APEH: variants seen among roughly 807,000 people sequenced by gnomAD.
The protein encoded by APEH is acylaminoacyl-peptide hydrolase.
Under a neutral mutation model 102.7 loss-of-function variants are expected in APEH, and 75 were observed. That is an observed-to-expected ratio of 0.73 (90% CI 0.61 to 0.89). The LOEUF (loss-of-function observed/expected upper bound fraction) is 0.89, where lower values mean the gene tolerates loss of function less well. Among genes scored for constraint, APEH ranks in the 40% least tolerant of loss-of-function variants. The pLI, the probability that APEH is intolerant of heterozygous loss-of-function variation, is 0.00. For synonymous variants in APEH, 344 were observed against 362.7 expected, an observed-to-expected ratio of 0.95 and a Z score of 0.59; for missense variants, 863 against 941.2, an observed-to-expected ratio of 0.92 and a Z score of 1.09.
intron 1 of APEH, 37 bp downstream of exon 1, chr3:49,674,450 G>T: frequency 6.4e-7 from 1 of 1,571,694 alleles, no homozygotes; most frequent in South Asian, 1.1e-5. Context: ...GGTCCCTGCA[G>T]CCCGGGCCGG....
At chr3:49,677,050 A>C (rs770897022) in intron 10 of APEH, 26 bp downstream of exon 10, 1 of 1,613,456 alleles carries the variant, frequency 6.2e-7, no homozygotes, top group Non-Finnish European at 8.5e-7. Context: ...CAGGGATGGG[A>C]GGGTGGTCAG....
Position 49,679,046 on chromosome 3 carries a change from C to A in APEH, c.1158+97C>A. The A allele has an allele frequency of 1.0e-6, 1 of 980,586 alleles. No individual in the cohort carries two copies. The highest frequency in any genetic ancestry group is 1.5e-6 in the Non-Finnish European group (1 of 647,000). 60.7% of individuals were successfully genotyped at this position (980,586 alleles called of 1,614,324 possible). A position where few individuals can be genotyped will look rare whatever the true frequency, so the allele number is the denominator to read the frequency against. ...CATGCCCCTGGGTGGAATGCCCAGCCACAAAGTCTCATCAGCCCCTTAAAA... is the reference window on the plus strand; with the variant it reads ...CATGCCCCTGGGTGGAATGCCCAGCAACAAAGTCTCATCAGCCCCTTAAAA... On this transcript the variant is annotated intron_variant, in intron 12 of 21. Transcript: ENST00000296456. The surrounding 1 kb of genome is among the most constrained non-coding windows in gnomAD (Gnocchi z 4.3).
At position 49,683,858 on chromosome 3, in the gene APEH, T is replaced by TTG; in HGVS notation, c.*516_*517insTG. 1 of 986,940 alleles carries TTG rather than the reference T, an allele frequency of 1.0e-6. No individual in the cohort carries two copies. Among genetic ancestry groups the TTG allele is most frequent in the Non-Finnish European group, 1.5e-6 (1 of 676,728 alleles). The allele number at this position is 986,940 out of a possible 1,614,324, so 61.1% of individuals were successfully genotyped here. On this transcript the variant is annotated 3_prime_UTR_variant, in exon 22 of 22. Transcript: ENST00000296456. Reference sequence around the variant, plus strand: ...AAGCCCCTAGGCTGGACAGATCACCTAGCCCAGGGTGTGCTGGGCTCAAGC... The same window carrying TTG: ...AAGCCCCTAGGCTGGACAGATCACCTTGAGCCCAGGGTGTGCTGGGCTCAAGC...
chr3:49,681,387 G>A, intron 15 of APEH, 148 bp downstream of exon 15: 1 of 1,008,462 alleles, frequency 9.9e-7, no homozygotes, highest in Non-Finnish European at 1.4e-6. Flanking sequence ...GGATGGGCAT[G>A]GGAAGTAGCA....
intron 11 of APEH, 147 bp downstream of exon 11, chr3:49,677,780 A>C (rs1168091667): frequency 1.3e-6 from 1 of 793,774 alleles, no homozygotes; most frequent in East Asian, 2.6e-5. Context: ...CAGCATCCTC[A>C]GGGAGCGGGG....
rs2053280646 is a variant in APEH at position 49,680,731 on chromosome 3, AT to A, written c.1299+103del. 5.5e-6 allele frequency: 6 copies of A among 1,092,166 alleles called. No homozygotes were observed. The East Asian group carries it at 1.5e-4, about 28-fold the overall frequency. The allele number at this position is 1,092,166 out of a possible 1,614,324, so 67.7% of individuals were successfully genotyped here. On this transcript the variant is annotated intron_variant, in intron 14 of 21. Transcript: ENST00000296456. ...CCAGAGTCTGACCTGGCTGGTCAGC[AT>A]ACAGACGGGCCAAGACACAGGCCCA...
rs1307614475 is a variant in APEH, at chr3:49,676,938, C to T, written c.913C>T (p.Pro305Ser). Residue 305 changes from proline to serine, a missense_variant, in exon 10 of 22, where the codon CCC becomes TCC. By Grantham distance (74) the Pro-to-Ser change is moderately conservative. Coordinates refer to ENST00000296456, the MANE Select transcript of APEH (RefSeq NM_001640.4). ...LSDDSLAVSSPRLSPDQCRIV... is the reference protein window; with the variant it reads ...LSDDSLAVSSSRLSPDQCRIV... The stretch of plus-strand genomic sequence containing the variant: ...GGATGACTCCCTGGCTGTCTCTTCT[C>T]CCCGGCTGAGCCCAGACCAATGTCG... 6.2e-7 allele frequency: 1 copy of T among 1,614,096 alleles called. No homozygotes were observed. The highest frequency in any genetic ancestry group is 1.3e-5 in the African/African-American group (1 of 74,954).
chr3:49,675,606 A>G lies in APEH; in HGVS notation c.273-88A>G, dbSNP rs2052996136. Reference sequence around the variant, plus strand: ...GAAGCTGGTGTGGGGCCAGAGCCTCAAGAATCTCTCCTAAGAGGTGTGCCC... The same window carrying G: ...GAAGCTGGTGTGGGGCCAGAGCCTCGAGAATCTCTCCTAAGAGGTGTGCCC... On this transcript the variant is annotated intron_variant, in intron 3 of 21. Transcript: ENST00000296456. 7.4e-6 allele frequency: 10 copies of G among 1,344,066 alleles called. No homozygotes were observed. The East Asian group carries it at 2.3e-4, about 31-fold the overall frequency. 83.3% of individuals were successfully genotyped at this position (1,344,066 alleles called of 1,614,324 possible). A position where few individuals can be genotyped will look rare whatever the true frequency, so the allele number is the denominator to read the frequency against.
chr3:49,681,941 G>A lies in APEH; in HGVS notation c.1577G>A (p.Cys526Tyr). ...TGGATGCTGTTCCCAGCCATGCTTTGCAAGATGGGCTTTGCGGTACTACTA... is the reference window on the plus strand; with the variant it reads ...TGGATGCTGTTCCCAGCCATGCTTTACAAGATGGGCTTTGCGGTACTACTA... ...TAWMLFPAML[C>Y]KMGFAVLLVN... Residue 526 changes from cysteine to tyrosine, a missense_variant, in exon 17 of 22, where the codon TGC becomes TAC. Transcript: ENST00000296456. 1 of 1,614,174 alleles carries A rather than the reference G, an allele frequency of 6.2e-7. No individual in the cohort carries two copies. Among genetic ancestry groups the A allele is most frequent in the Non-Finnish European group, 8.5e-7 (1 of 1,180,008 alleles).
chr3:49,676,015 G>A (rs768176249), intron 5 of APEH, 41 bp from the exon 6 acceptor site: 51 of 1,614,002 alleles, frequency 3.2e-5, no homozygotes, highest in African/African-American at 5.3e-5. Context: ...AGGGGTAGCC[G>A]TAGCCCTGGG....
In APEH at chr3:49,683,883, C is replaced by G. The variant is rs573659358; in HGVS notation, c.*541C>G. On this transcript the variant is annotated 3_prime_UTR_variant, in exon 22 of 22. Coordinates refer to ENST00000296456, the MANE Select transcript of APEH (RefSeq NM_001640.4). Reference sequence around the variant, plus strand: ...TAGCCCAGGGTGTGCTGGGCTCAAGCCACCCGAGCCCTAGCAAGGAGTCAC... The same window carrying G: ...TAGCCCAGGGTGTGCTGGGCTCAAGGCACCCGAGCCCTAGCAAGGAGTCAC... 6.2e-6 allele frequency: 8 copies of G among 1,288,324 alleles called. No individual in the cohort carries two copies. Among genetic ancestry groups the G allele is most frequent in the Non-Finnish European group, 7.4e-6 (7 of 943,228 alleles). 79.8% of individuals were successfully genotyped at this position (1,288,324 alleles called of 1,614,324 possible).
At position 49,679,097 on chromosome 3, in the gene APEH, T is replaced by G; in HGVS notation, c.1158+148T>G. ...CCCTGCCTGCCCATCCTGGACTCAT[T>G]TCTCCTGGAGGGGACTGGCTGCCCT... is the stretch of plus-strand genomic sequence containing the variant. On this transcript the variant is annotated intron_variant, in intron 12 of 21. Coordinates refer to ENST00000296456, the MANE Select transcript of APEH (RefSeq NM_001640.4). This position sits in a 1 kb window ranked among gnomAD's most constrained non-coding sequence, Gnocchi z 4.3. 1 of 662,818 alleles carries G rather than the reference T, an allele frequency of 1.5e-6. No homozygotes were observed. The allele number at this position is 662,818 out of a possible 1,614,324, so 41.1% of individuals were successfully genotyped here. A position where few individuals can be genotyped will look rare whatever the true frequency, so the allele number is the denominator to read the frequency against.
At position 49,681,824 on chromosome 3, in the gene APEH, G is replaced by A. The variant is rs186565352; in HGVS notation, c.1522+19G>A. 4.7e-5 allele frequency: 75 copies of A among 1,611,310 alleles called. No individual in the cohort carries two copies. The Admixed American group carries it at 1.2e-3, about 25-fold the overall frequency. On this transcript the variant is annotated intron_variant, in intron 16 of 21. Transcript: ENST00000296456. The stretch of plus-strand genomic sequence containing the variant: ...CCCCACGGTAGGCATCTGGCGTTAA[G>A]AGCCCTTGCCCTCCCAGCCCTCTTC...
chr3:49,682,935 A>G lies in APEH; in HGVS notation c.1976A>G (p.Tyr659Cys). The stretch of plus-strand genomic sequence containing the variant: ...ATGCTGGACAAATCGCCCATCAGAT[A>G]CATCCCTCAGGTATGCAGCCCCCTC... ...AEMLDKSPIR[Y>C]IPQVKTPLLL... The change falls in exon 20 of 22, where the codon TAC becomes TGC. Residue 659 changes from tyrosine (Y) to cysteine (C), a missense_variant. Physicochemically the swap from Tyr to Cys is radical, Grantham distance 194. Coordinates refer to ENST00000296456, the MANE Select transcript of APEH (RefSeq NM_001640.4). 1.2e-6 allele frequency: 2 copies of G among 1,613,904 alleles called. No individual in the cohort carries two copies. The highest frequency in any genetic ancestry group is 1.7e-6 in the Non-Finnish European group (2 of 1,179,990).
chr3:49,683,744 A>G lies in APEH; in HGVS notation c.*402A>G, dbSNP rs1051575508. The G allele has an allele frequency of 5.3e-5, 27 of 506,106 alleles. No individual in the cohort carries two copies. The highest frequency in any genetic ancestry group is 1.4e-5 in the Non-Finnish European group (4 of 283,068). The allele number at this position is 506,106 out of a possible 1,614,324, so 31.4% of individuals were successfully genotyped here. On this transcript the variant is annotated 3_prime_UTR_variant, in exon 22 of 22. Coordinates refer to ENST00000296456, the MANE Select transcript of APEH (RefSeq NM_001640.4). ...CAACTACTCTGTACCACCCTTCCCA[A>G]GAGTATGTCTGGAGGACTAGTGTGA...
intron 13 of APEH, chr3:49,680,026 A>G: frequency 4.2e-6 from 1 of 237,264 alleles, no homozygotes; most frequent in South Asian, 5.3e-5. Flanking sequence ...CTGCCACCTG[A>G]GGGCCCAGGA....
chr3:49,673,284 C>T (rs1196077848), upstream of APEH, among the ~76,000 whole-genome samples: 2 of 151,848 alleles, frequency 1.3e-5, no homozygotes, highest in South Asian at 2.1e-4. Context: ...TCCTTACTGT[C>T]CAGCCTCTCC....
In APEH at chr3:49,683,915, A is replaced by G. The variant is rs1326941439; in HGVS notation, c.*573A>G. ...AGCCCTAGCAAGGAGTCACTGACAC[A>G]TTTCCTGGAAGCAAAGGCTAAGAAG... On this transcript the variant is annotated 3_prime_UTR_variant, in exon 22 of 22. Transcript: ENST00000296456. 2.7e-6 allele frequency: 4 copies of G among 1,494,358 alleles called. No homozygotes were observed. Among genetic ancestry groups the G allele is most frequent in the Non-Finnish European group, 3.6e-6 (4 of 1,113,762 alleles). 92.6% of individuals were successfully genotyped at this position (1,494,358 alleles called of 1,614,324 possible). A position where few individuals can be genotyped will look rare whatever the true frequency, so the allele number is the denominator to read the frequency against.
intron 14 of APEH, 106 bp downstream of exon 14, chr3:49,680,735 A>G: frequency 1.0e-6 from 1 of 986,866 alleles, no homozygotes. Context: ...GTCAGCATAC[A>G]GACGGGCCAA....
Sources: allele counts gnomAD v4.1 joint callset (sites outside exome capture counted in the v4.1 genomes callset), GRCh38; gene constraint gnomAD v4.1.1; non-coding constraint Gnocchi (gnomAD v3.1); transcripts MANE v1.5; gene names NCBI Gene and HGNC (gene_info 2026-07-23, HGNC 2026-07-21).